The following ARPC1B variants were observed in gnomAD, a reference collection of about 807,000 sequenced individuals.
The protein encoded by ARPC1B is actin related protein 2/3 complex subunit 1B, also known as actin-related protein 2/3 complex subunit 1B.
A neutral mutation model predicts 46.0 loss-of-function variants in ARPC1B; 29 were observed. The observed-to-expected ratio is 0.63, with a 90% CI of 0.47 to 0.86. ARPC1B has a LOEUF of 0.86. Among genes scored for constraint, ARPC1B ranks in the 40% least tolerant of loss-of-function variants. The pLI, the probability that ARPC1B is intolerant of heterozygous loss-of-function variation, is 0.00. For missense variants in ARPC1B, 469 were observed against 529.4 expected (o/e 0.89, Z 1.12); for synonymous variants, 201 against 213.9 (o/e 0.94, Z 0.53).
chr7:99,379,993 G>A (rs960464470), intron 1 of ARPC1B, among the ~76,000 whole-genome samples: 9 of 152,116 alleles, frequency 5.9e-5, no homozygotes, highest in African/African-American at 2.2e-4. Flanking sequence ...CCACAGTGCT[G>A]GCTCACAGGG....
intron 4 of ARPC1B, chr7:99,388,716 C>G (rs568497565): frequency 6.4e-6 from 1 of 156,956 alleles, no homozygotes; most frequent in Non-Finnish European, 1.4e-5. Context: ...TCACGGCAGC[C>G]TCTGCCTGCC....
rs1459764094 is a variant in ARPC1B at position 99,374,980 on chromosome 7, G to A, written c.-14+199G>A. The stretch of plus-strand genomic sequence containing the variant: ...CCCAATAGGGGCACGGGGATGAGTG[G>A]GGGCACATGGAGAGGAGGGGGCGCG... On this transcript the variant is annotated intron_variant, in intron 1 of 9. Transcript: ENST00000646101. This position sits in a 1 kb window ranked among gnomAD's most constrained non-coding sequence, Gnocchi z 5.0. Among the ~76,000 whole-genome samples the A allele has an allele frequency of 1.3e-5, 2 of 151,196 alleles. No individual in the cohort carries two copies. The highest frequency in any genetic ancestry group is 3.9e-4 in the East Asian group (2 of 5,108).
At chr7:99,383,359 G>A (rs1001600579) in intron 1 of ARPC1B, among the ~76,000 whole-genome samples, 1 of 152,080 alleles carries the variant, frequency 6.6e-6, no homozygotes, top group Non-Finnish European at 1.5e-5. Flanking sequence ...TTCTGAGAAC[G>A]TACTCTGTTG....
chr7:99,387,415 C>T (rs752517888), intron 3 of ARPC1B, among the ~76,000 whole-genome samples: 14 of 151,618 alleles, frequency 9.2e-5, no homozygotes, highest in Non-Finnish European at 1.5e-4. Flanking sequence ...GCCTGGATGG[C>T]AGAGCGAGAC....
rs148627630 is a variant in ARPC1B, at chr7:99,381,493, T to A, written c.-13-4209T>A. On this transcript the variant is annotated intron_variant, in intron 1 of 9. Transcript: ENST00000646101. The stretch of plus-strand genomic sequence containing the variant: ...CACGCATGTGTTTGTGTGCGTGGCC[T>A]GACCCTGCGCTGCGTGTGTCTACTT... Among the ~76,000 whole-genome samples, 526 of 152,308 alleles carry A rather than the reference T, an allele frequency of 3.5e-3. 4 individuals carry two copies. Among genetic ancestry groups the A allele is most frequent in the African/African-American group, 0.012 (505 of 41,564 alleles).
intron 8 of ARPC1B, among the ~76,000 whole-genome samples, 163 bp from the exon 9 acceptor site, chr7:99,393,866 C>A (rs1016016374): frequency 6.6e-6 from 1 of 152,198 alleles, no homozygotes; most frequent in Non-Finnish European, 1.5e-5. Flanking sequence ...CCTCGCATGC[C>A]ACTGTCCCCA....
rs73148808 is a variant in ARPC1B, at chr7:99,391,355, T to C, written c.783+102T>C. On this transcript the variant is annotated intron_variant, in intron 7 of 9. Transcript: ENST00000646101. ...CCTCCTTTCTCCTGCCTCCCTCCTT[T>C]TTTTCTTCCTTGCATTCTCTCATGT... is the stretch of plus-strand genomic sequence containing the variant. The C allele has an allele frequency of 2.2e-3, 2,744 of 1,229,890 alleles. 7 individuals are homozygous for C. The highest frequency in any genetic ancestry group is 3.0e-3 in the Non-Finnish European group (2,616 of 874,114). 76.2% of individuals were successfully genotyped at this position (1,229,890 alleles called of 1,614,324 possible).
Position 99,386,686 on chromosome 7 carries a change from G to T in ARPC1B, c.66G>T (p.Gln22His), listed in dbSNP as rs1250940667. 2.2e-5 allele frequency: 36 copies of T among 1,613,368 alleles called. No individual in the cohort carries two copies. Among genetic ancestry groups the T allele is most frequent in the Non-Finnish European group, 2.7e-5 (32 of 1,179,330 alleles). Residue 22 changes from glutamine to histidine, a missense_variant and splice_region_variant, in exon 3 of 10, where the codon CAG becomes CAT. Gln to His is a conservative substitution (Grantham distance 24). Coordinates refer to ENST00000646101, the MANE Select transcript of ARPC1B (RefSeq NM_005720.4). The part of the protein sequence containing the change: ...SCHAWNKDRT[Q>H]IAICPNNHEV... Reference sequence around the variant, plus strand: ...AATCTCCCTCCATCTCCCCTTCAGAGATTGCCATCTGCCCCAACAACCATG... The same window carrying T: ...AATCTCCCTCCATCTCCCCTTCAGATATTGCCATCTGCCCCAACAACCATG...
At chr7:99,388,366 C>T in intron 4 of ARPC1B, 105 bp downstream of exon 4, 1 of 1,124,148 alleles carries the variant, frequency 8.9e-7, no homozygotes, top group Admixed American at 2.3e-5. Context: ...GTTCCCATCA[C>T]CCTGGGGGAG....
chr7:99,384,161 C>G (rs1794309620), intron 1 of ARPC1B: 1 of 152,562 alleles, frequency 6.6e-6, no homozygotes, highest in African/African-American at 2.4e-5. Flanking sequence ...TCCTTTGACA[C>G]TCAGCGGCAG....
chr7:99,376,671 G>C (rs1794038139), intron 1 of ARPC1B: 1 of 152,246 alleles, frequency 6.6e-6, no homozygotes, highest in East Asian at 1.9e-4. Context: ...GGGAGTTCGA[G>C]ACCAGCCTGA....
At chr7:99,383,369 G>C (rs1794285730) in intron 1 of ARPC1B, among the ~76,000 whole-genome samples, 1 of 152,068 alleles carries the variant, frequency 6.6e-6, no homozygotes, top group South Asian at 2.1e-4. Flanking sequence ...GTACTCTGTT[G>C]GTCACTAATG....
chr7:99,388,296 G>C (rs1362121758), intron 4 of ARPC1B, 35 bp downstream of exon 4: 2 of 1,604,338 alleles, frequency 1.2e-6, no homozygotes, highest in East Asian at 2.2e-5. Context: ...TGGGCTGTTA[G>C]GGACCGGGGG....
intron 1 of ARPC1B, among the ~76,000 whole-genome samples, chr7:99,375,741 T>A (rs1289030936): frequency 6.6e-6 from 1 of 152,084 alleles, no homozygotes; most frequent in African/African-American, 2.4e-5. Flanking sequence ...TGGACAGCAT[T>A]GCGAGACCCT....
At position 99,387,736 on chromosome 7, in the gene ARPC1B, C is replaced by CA. The variant is rs35192470; in HGVS notation, c.170-281dup. Among the ~76,000 whole-genome samples, 558 of 60,944 alleles carry CA rather than the reference C, an allele frequency of 9.2e-3. 3 individuals are homozygous for CA. The highest frequency in any genetic ancestry group is 0.056 in the East Asian group (147 of 2,648). 40.0% of individuals were successfully genotyped at this position (60,944 alleles called of 152,430 possible). A position where few individuals can be genotyped will look rare whatever the true frequency, so the allele number is the denominator to read the frequency against. ...TGGGCGGCTGAGCGAGACTCTGTCT[C>CA]AAAAAAAAAAAAAAAAAAAAAAGAT... On this transcript the variant is annotated intron_variant, in intron 3 of 9. Transcript: ENST00000646101.
upstream of ARPC1B, chr7:99,374,601 G>A (rs1002870965): frequency 6.6e-6 from 1 of 152,270 alleles, no homozygotes; most frequent in African/African-American, 2.4e-5. This position sits in a 1 kb window ranked among gnomAD's most constrained non-coding sequence, Gnocchi z 5.0. Context: ...CCCCCACCCC[G>A]AAGGGAGGGC....
rs1016426929 is a variant in ARPC1B at position 99,389,896 on chromosome 7, C to T, written c.393-9C>T. On this transcript the variant is annotated splice_polypyrimidine_tract_variant and intron_variant, in intron 4 of 9. Coordinates refer to ENST00000646101, the MANE Select transcript of ARPC1B (RefSeq NM_005720.4). ...CCTCTCTCCCTGTCTGCCTGACCAC[C>T]GTTCCCAGGTGGGTTTGCAAGCACA... is the stretch of plus-strand genomic sequence containing the variant. 2.9e-5 allele frequency: 46 copies of T among 1,612,566 alleles called. No individual in the cohort carries two copies. Among genetic ancestry groups the T allele is most frequent in the Non-Finnish European group, 3.5e-5 (41 of 1,178,766 alleles).
chr7:99,388,505 C>A, intron 4 of ARPC1B: 1 of 519,940 alleles, frequency 1.9e-6, no homozygotes, highest in Non-Finnish European at 3.5e-6. Context: ...GCCCTGCACA[C>A]ACATTAGTCC....
At position 99,388,178 on chromosome 7, in the gene ARPC1B, C is replaced by T. The variant is rs753824543; in HGVS notation, c.309C>T (p.Arg103=). The T allele has an allele frequency of 6.2e-7, 1 of 1,614,280 alleles. No homozygotes were observed. The part of the protein sequence containing the change: ...LRINRAARCV[R]WAPNENKFAV... ...TCAACCGGGCTGCCCGCTGCGTGCG[C>T]TGGGCCCCCAACGAGAACAAGTTTG... Residue 103 remains arginine, a synonymous_variant, in exon 4 of 10, where the codon CGC becomes CGT. Transcript: ENST00000646101.
Sources: gnomAD v4.1 joint callset for allele counts (sites outside exome capture counted in the v4.1 genomes callset) on GRCh38, gnomAD v4.1.1 for gene constraint, Gnocchi (gnomAD v3.1) non-coding constraint, MANE v1.5 for transcripts, NCBI Gene and HGNC (gene_info 2026-07-23, HGNC 2026-07-21) for gene names.